Variants in NEDD1 observed in about 807,000 individuals in gnomAD.
NEDD1 encodes the protein NEDD1 gamma-tubulin ring complex targeting factor.
A neutral mutation model predicts 74.0 loss-of-function variants in NEDD1; 33 were observed. That is an observed-to-expected ratio of 0.45 (90% CI 0.34 to 0.60). The LOEUF (loss-of-function observed/expected upper bound fraction) is 0.60, where lower values mean the gene tolerates loss of function less well. NEDD1 is among the 20% of genes least tolerant of loss of function. NEDD1 has a pLI of 0.01. For synonymous variants in NEDD1, 250 were observed against 264.4 expected (o/e 0.95, Z 0.53); for missense variants, 746 against 776.5 (o/e 0.96, Z 0.47).
chr12:96,912,307 T>C (rs865884450), intron 3 of NEDD1, among the ~76,000 whole-genome samples: 11 of 152,084 alleles, frequency 7.2e-5, no homozygotes, highest in South Asian at 2.1e-4. Flanking sequence ...GGATGTTTGC[T>C]TCCTAGTTTA....
Position 96,940,549 on chromosome 12 carries a change from C to G in NEDD1, c.1246+12C>G. The G allele has an allele frequency of 6.3e-7, 1 of 1,579,490 alleles. No homozygotes were observed. The highest frequency in any genetic ancestry group is 1.4e-5 in the African/African-American group (1 of 73,852). On this transcript the variant is annotated intron_variant, in intron 10 of 15. Coordinates refer to ENST00000266742, the MANE Select transcript of NEDD1 (RefSeq NM_152905.4). ...ACCTATCAGAGATGGTAAGTCTGTT[C>G]AGAGGATCCTGTTCTCTTGCTGGTA... is the stretch of plus-strand genomic sequence containing the variant.
At chr12:96,951,158 A>G (rs937933005) in intron 14 of NEDD1, among the ~76,000 whole-genome samples, 2 of 151,834 alleles carry the variant, frequency 1.3e-5, no homozygotes, top group South Asian at 2.1e-4. Flanking sequence ...TGAACAAGTT[A>G]TATCTACTCT....
chr12:96,937,169 G>T, intron 8 of NEDD1, 29 bp from the exon 9 acceptor site: 1 of 1,332,516 alleles, frequency 7.5e-7, no homozygotes, highest in Non-Finnish European at 1.0e-6. Flanking sequence ...TTAGTAACCT[G>T]AGCTTTTAAA....
intron 6 of NEDD1, among the ~76,000 whole-genome samples, chr12:96,932,442 T>TACAAAAAAAAA (rs1876580808): frequency 9.4e-5 from 1 of 10,664 alleles, no homozygotes; most frequent in African/African-American, 6.4e-4. Context: ...TCCTGTCTCT[T>TACAAAAAAAAA]AAAAAAAAAA....
In NEDD1 at chr12:96,910,298, AAATT is replaced by A. The variant is rs1873782588; in HGVS notation, c.136+406_136+409del. On this transcript the variant is annotated intron_variant, in intron 3 of 15. Coordinates refer to ENST00000266742, the MANE Select transcript of NEDD1 (RefSeq NM_152905.4). ...TTGGGTATTTGTGGATCTGAACTGA[AAATT>A]AAAGACAGAACTTGAAGGCAGAAGC... is the stretch of plus-strand genomic sequence containing the variant. Among the ~76,000 whole-genome samples, 4 of 152,174 alleles carry A rather than the reference AAATT, an allele frequency of 2.6e-5. No individual in the cohort carries two copies. In the South Asian group the frequency reaches 8.3e-4, roughly 32 times the overall value.
intron 2 of NEDD1, among the ~76,000 whole-genome samples, chr12:96,908,985 T>A (rs1185318550): frequency 6.6e-6 from 1 of 152,104 alleles, no homozygotes; most frequent in Non-Finnish European, 1.5e-5. Flanking sequence ...GAGACCAGCC[T>A]GACCAACATG....
rs1874904800 is a variant in NEDD1 at position 96,920,082 on chromosome 12, C to A, written c.446C>A (p.Thr149Asn). The A allele has an allele frequency of 1.2e-6, 2 of 1,605,150 alleles. No homozygotes were observed. The highest frequency in any genetic ancestry group is 1.3e-5 in the African/African-American group (1 of 74,612). ...LSGEIILHSV[T>N]TNLSSTPFGH... is the part of the protein sequence containing the mutation. ...GGTGAAATTATTTTACACAGTGTAA[C>A]CACTAATTTATCTAGTACTCCTTTT... Residue 149 changes from threonine to asparagine, a missense_variant, in exon 6 of 16, where the codon ACC becomes AAC. Thr to Asn is a moderately conservative substitution (Grantham distance 65). Transcript: ENST00000266742.
chr12:96,943,420 T>A (rs1877862879), intron 11 of NEDD1, 140 bp from the exon 12 acceptor site: 6 of 625,950 alleles, frequency 9.6e-6, no homozygotes. Flanking sequence ...AATTGCGGGG[T>A]GTATCTGAGA....
intron 13 of NEDD1, among the ~76,000 whole-genome samples, chr12:96,945,053 A>G (rs542548036): frequency 4.7e-4 from 71 of 150,914 alleles, no homozygotes; most frequent in African/African-American, 1.8e-3. Flanking sequence ...TGGTAGAGAT[A>G]GAATTATTAT....
chr12:96,916,947 GGGT>G (rs1182852557), intron 4 of NEDD1, among the ~76,000 whole-genome samples: 1 of 152,158 alleles, frequency 6.6e-6, no homozygotes, highest in Non-Finnish European at 1.5e-5. Context: ...ATTCATTCTT[GGGT>G]TGGAGTTTAG....
rs758103005 is a variant in NEDD1 at position 96,912,742 on chromosome 12, A to G, written c.156A>G (p.Ala52=). 6.3e-6 allele frequency: 10 copies of G among 1,599,296 alleles called. No homozygotes were observed. The highest frequency in any genetic ancestry group is 5.5e-5 in the South Asian group (5 of 90,454). The change falls in exon 4 of 16, where the codon GCA becomes GCG. Residue 52 remains alanine, a synonymous_variant. Coordinates refer to ENST00000266742, the MANE Select transcript of NEDD1 (RefSeq NM_152905.4). ...ATTTAGATAACTTTTTAGTAACAGC[A>G]TCTTCCAGTGGCGACAAAATAGTTG... The part of the protein sequence containing the change: ...WSSNNNFLVT[A]SSSGDKIVVS...
intron 5 of NEDD1, among the ~76,000 whole-genome samples, chr12:96,919,133 C>T (rs559106373): frequency 6.6e-6 from 1 of 152,290 alleles, no homozygotes; most frequent in Admixed American, 6.5e-5. Context: ...TGCTGGACAT[C>T]TCTAATTTGA....
chr12:96,943,852 A>C, intron 12 of NEDD1, 90 bp downstream of exon 12: 1 of 718,786 alleles, frequency 1.4e-6, no homozygotes, highest in Non-Finnish European at 2.4e-6. Flanking sequence ...AATTATTAGC[A>C]TTGCTATGCA....
At chr12:96,943,361 C>T (rs1056501002) in intron 11 of NEDD1, among the ~76,000 whole-genome samples, 199 bp from the exon 12 acceptor site, 6 of 152,122 alleles carry the variant, frequency 3.9e-5, no homozygotes, top group Admixed American at 2.0e-4. Context: ...ATTTGTAGAT[C>T]GGGAAATAGT....
intron 10 of NEDD1, among the ~76,000 whole-genome samples, chr12:96,942,304 C>T (rs1232594025): frequency 6.6e-6 from 1 of 151,968 alleles, no homozygotes; most frequent in Non-Finnish European, 1.5e-5. Flanking sequence ...CATAACCTAC[C>T]CCCTACACCA....
At chr12:96,922,905 A>G (rs1011494864) in intron 6 of NEDD1, among the ~76,000 whole-genome samples, 4 of 152,018 alleles carry the variant, frequency 2.6e-5, no homozygotes, top group African/African-American at 9.7e-5. Context: ...CCTTGAGCCC[A>G]GGAGTTCAAG....
At chr12:96,930,028 T>C (rs781016736) in intron 6 of NEDD1, among the ~76,000 whole-genome samples, 3 of 152,134 alleles carry the variant, frequency 2.0e-5, no homozygotes, top group Admixed American at 1.3e-4. Context: ...GAAGGACTTA[T>C]GGCTGTTAAT....
intron 5 of NEDD1, 61 bp downstream of exon 5, chr12:96,917,798 T>C: frequency 6.8e-7 from 1 of 1,465,486 alleles, no homozygotes; most frequent in Non-Finnish European, 9.0e-7. Flanking sequence ...TTAGAGTACT[T>C]ACCAAGCTTT....
chr12:96,943,803 T>C (rs1190960980), intron 12 of NEDD1, 41 bp downstream of exon 12: 2 of 1,364,666 alleles, frequency 1.5e-6, no homozygotes, highest in African/African-American at 2.9e-5. Flanking sequence ...TGTATGTGTT[T>C]ATCAGTAGAA....
Sources: allele counts gnomAD v4.1 joint callset (sites outside exome capture counted in the v4.1 genomes callset), GRCh38; gene constraint gnomAD v4.1.1; transcripts MANE v1.5; gene names NCBI Gene and HGNC (gene_info 2026-07-23, HGNC 2026-07-21).